The following ANK3 variants were observed in gnomAD, a reference collection of about 807,000 sequenced individuals.
ANK3 encodes the protein ankyrin 3, also known as ankyrin-3.
Under a neutral mutation model 370.9 loss-of-function variants are expected in ANK3, and 57 were observed. The observed-to-expected ratio is 0.15, with a 90% CI of 0.12 to 0.19. ANK3 has a LOEUF of 0.19. Among genes scored for constraint, ANK3 ranks in the 10% least tolerant of loss-of-function variants. ANK3 has a pLI of 1.00. For synonymous variants in ANK3, 1,929 were observed against 1,946.3 expected (o/e 0.99, Z 0.23); for missense variants, 4,439 against 5,302.1 (o/e 0.84, Z 5.06).
At chr10:60,369,766 T>C (rs1259316810) in intron 1 of ANK3, among the ~76,000 whole-genome samples, 1 of 152,216 alleles carries the variant, frequency 6.6e-6, no homozygotes, top group East Asian at 1.9e-4. Flanking sequence ...ACTTCGACTC[T>C]TATCTAAGAT....
At chr10:60,279,275 A>T (rs2098130395) in intron 2 of ANK3, 127 bp from the exon 3 acceptor site, 2 of 816,368 alleles carry the variant, frequency 2.4e-6, no homozygotes, top group Admixed American at 2.4e-5. Flanking sequence ...CTGTGCAGGA[A>T]CTTGAATCTT....
intron 7 of ANK3, among the ~76,000 whole-genome samples, chr10:60,252,145 C>A (rs1488068378): frequency 6.6e-6 from 1 of 152,194 alleles, no homozygotes; most frequent in Non-Finnish European, 1.5e-5. Context: ...CTGTGCAATC[C>A]TTCAGTTCTA....
chr10:60,101,208 T>C lies in ANK3; in HGVS notation c.3328+4697A>G, dbSNP rs969086254. ...TACATTTGCAGCATATTTCCATTTG[T>C]ACTAATTTTATTTCAAGTGCTCTGT... On this transcript the variant is annotated intron_variant, in intron 28 of 43. Coordinates refer to ENST00000280772, the MANE Select transcript of ANK3 (RefSeq NM_020987.5). 3.9e-5 allele frequency among the ~76,000 whole-genome samples: 6 copies of C among 152,338 alleles called. No homozygotes were observed. The South Asian group carries it at 1.0e-3, about 26-fold the overall frequency.
At chr10:60,708,062 C>G (rs143693427) in intron 1 of ANK3, among the ~76,000 whole-genome samples, 1 of 152,156 alleles carries the variant, frequency 6.6e-6, no homozygotes, top group Non-Finnish European at 1.5e-5. Flanking sequence ...GTCTCCACCC[C>G]GTGTGCATTC....
intron 2 of ANK3, among the ~76,000 whole-genome samples, chr10:60,566,279 A>T (rs2077458849): frequency 6.6e-6 from 1 of 152,170 alleles, no homozygotes. Flanking sequence ...ATACAATAAT[A>T]TTGAAATTAG....
Position 60,101,916 on chromosome 10 carries a change from G to A in ANK3, c.3328+3989C>T, listed in dbSNP as rs60705611. 3.3e-3 allele frequency among the ~76,000 whole-genome samples: 503 copies of A among 152,016 alleles called. 6 individuals are homozygous for A. The highest frequency in any genetic ancestry group is 0.012 in the African/African-American group (483 of 41,462). Reference sequence around the variant, plus strand: ...ATGTGGCTCTTTTGTTCTACACAAAGCACTTTCACAGGCATCATTCATTTG... The same window carrying A: ...ATGTGGCTCTTTTGTTCTACACAAAACACTTTCACAGGCATCATTCATTTG... On this transcript the variant is annotated intron_variant, in intron 28 of 43. Coordinates refer to ENST00000280772, the MANE Select transcript of ANK3 (RefSeq NM_020987.5).
intron 2 of ANK3, among the ~76,000 whole-genome samples, chr10:60,399,433 G>A (rs980853216): frequency 3.9e-5 from 6 of 152,146 alleles, no homozygotes; most frequent in African/African-American, 1.4e-4. Context: ...AGAAAGGGAA[G>A]GGCCAGATGG....
chr10:60,432,911 C>A (rs2064062783), intron 2 of ANK3, among the ~76,000 whole-genome samples: 1 of 152,038 alleles, frequency 6.6e-6, no homozygotes, highest in Admixed American at 6.6e-5. Flanking sequence ...GACCCAGGTT[C>A]CTGTTCCCGC....
intron 1 of ANK3, among the ~76,000 whole-genome samples, chr10:60,632,488 C>T (rs980461105): frequency 6.6e-6 from 1 of 152,064 alleles, no homozygotes; most frequent in East Asian, 1.9e-4. Context: ...GTAGCTCGTA[C>T]CTGTAATCTC....
At chr10:60,225,056 G>A (rs780040469) in intron 8 of ANK3, among the ~76,000 whole-genome samples, 9 of 151,934 alleles carry the variant, frequency 5.9e-5, no homozygotes, top group Non-Finnish European at 1.2e-4. Context: ...TGGGATTACA[G>A]GCATGCCCCA....
intron 1 of ANK3, among the ~76,000 whole-genome samples, chr10:60,635,650 A>C (rs917425076): frequency 1.3e-5 from 2 of 152,108 alleles, no homozygotes; most frequent in African/African-American, 4.8e-5. Context: ...TTCAGGACTT[A>C]AAATGTTCGT....
At chr10:60,058,767 T>C (rs953637211) in intron 41 of ANK3, among the ~76,000 whole-genome samples, 1 of 152,176 alleles carries the variant, frequency 6.6e-6, no homozygotes, top group African/African-American at 2.4e-5. Context: ...TCTTCTTATG[T>C]TTTTGAGACA....
At chr10:60,225,080 T>A (rs1233791629) in intron 8 of ANK3, among the ~76,000 whole-genome samples, 1 of 151,908 alleles carries the variant, frequency 6.6e-6, no homozygotes, top group Non-Finnish European at 1.5e-5. Context: ...TTTCCAGTTA[T>A]TTTTACATTT....
intron 23 of ANK3, among the ~76,000 whole-genome samples, chr10:60,149,772 G>A (rs992654464): frequency 6.6e-6 from 1 of 152,094 alleles, no homozygotes; most frequent in African/African-American, 2.4e-5. Context: ...GCAGTGGTAC[G>A]ATCTCGGCTC....
intron 2 of ANK3, among the ~76,000 whole-genome samples, chr10:60,475,753 C>T (rs1205101046): frequency 6.6e-6 from 1 of 152,090 alleles, no homozygotes; most frequent in Non-Finnish European, 1.5e-5. Context: ...ACTAGAGAGC[C>T]CTTCTCAAAG....
At chr10:60,292,623 A>C (rs2041666399) in intron 1 of ANK3, among the ~76,000 whole-genome samples, 1 of 152,150 alleles carries the variant, frequency 6.6e-6, no homozygotes, top group Non-Finnish European at 1.5e-5. Flanking sequence ...CAGCCTTCCC[A>C]AAAATACCTA....
chr10:60,034,086 TTTTTTTGTTTTG>T (rs1187839765), intron 43 of ANK3, among the ~76,000 whole-genome samples: 218 of 150,864 alleles, frequency 1.4e-3, no homozygotes, highest in Non-Finnish European at 2.4e-3. Context: ...TTTTTGTTTT[TTTTTTTGTTTTG>T]TTTTTTGGTT....
In ANK3 at chr10:60,075,840, G is replaced by T; in HGVS notation, c.5041C>A (p.Pro1681Thr). ...ISSPLKSVVS[P>T]VKSAVDVISS... ...ATGACATCAACTGCTGATTTAACTGGAGACACCACTGACTTTAAAGGTGAA... is the reference window on the plus strand; with the variant it reads ...ATGACATCAACTGCTGATTTAACTGTAGACACCACTGACTTTAAAGGTGAA... Residue 1681 changes from proline (P) to threonine (T), a missense_variant, in exon 37 of 44, where the codon CCA (proline) becomes ACA (threonine). Pro to Thr is a conservative substitution (Grantham distance 38). This residue lies in a region of ANK3 where 679 missense variants were observed against 791.0 expected (regional missense o/e 0.86). Coordinates refer to ENST00000280772, the MANE Select transcript of ANK3 (RefSeq NM_020987.5). 6.2e-7 allele frequency: 1 copy of T among 1,614,168 alleles called. No individual in the cohort carries two copies. The highest frequency in any genetic ancestry group is 1.3e-5 in the African/African-American group (1 of 75,052).
At chr10:60,447,014 G>C (rs1412481651) in intron 2 of ANK3, among the ~76,000 whole-genome samples, 2 of 152,160 alleles carry the variant, frequency 1.3e-5, no homozygotes, top group Admixed American at 1.3e-4. Flanking sequence ...GGTTAGCGAA[G>C]GTATTAGGAA....
Sources: allele counts gnomAD v4.1 joint callset (sites outside exome capture counted in the v4.1 genomes callset), GRCh38; gene constraint gnomAD v4.1.1; regional missense constraint gnomAD v4.1.1; transcripts MANE v1.5; gene names NCBI Gene and HGNC (gene_info 2026-07-23, HGNC 2026-07-21).